NUDC: variants seen among roughly 807,000 people sequenced by gnomAD.
NUDC encodes nuclear migration protein nudC.
Under a neutral mutation model 45.0 loss-of-function variants are expected in NUDC, and 14 were observed. The ratio of observed to expected loss-of-function variants is 0.31; its 90% confidence interval spans 0.21 to 0.49. The LOEUF is 0.49. Ranked by LOEUF, NUDC falls within the 20% of genes least tolerant of loss-of-function variation. NUDC has a pLI of 0.99. For missense variants in NUDC, 323 were observed against 426.2 expected (o/e 0.76, Z 2.13); for synonymous variants, 153 against 156.7 (o/e 0.98, Z 0.17).
intron 1 of NUDC, chr1:26,900,458 GA>G: frequency 2.5e-6 from 4 of 1,601,200 alleles, no homozygotes; most frequent in Non-Finnish European, 1.7e-6. Context: ...ATTGTCACAT[GA>G]TCAGCTAGAA....
intron 8 of NUDC, 28 bp from the exon 9 acceptor site, chr1:26,946,102 C>T: frequency 6.2e-7 from 1 of 1,605,182 alleles, no homozygotes; most frequent in Non-Finnish European, 8.5e-7. Flanking sequence ...GAAGGATGAG[C>T]TGTTTCATCT....
chr1:26,934,594 A>G (rs981653248), intron 2 of NUDC, among the ~76,000 whole-genome samples: 3 of 152,200 alleles, frequency 2.0e-5, no homozygotes, highest in Non-Finnish European at 2.9e-5. Flanking sequence ...ATCTGTGACA[A>G]GGTATTACTT....
intron 1 of NUDC, among the ~76,000 whole-genome samples, chr1:26,902,037 C>T (rs914153025): frequency 4.6e-5 from 7 of 152,160 alleles, no homozygotes; most frequent in Non-Finnish European, 7.3e-5. Flanking sequence ...GCCCTGTGAT[C>T]CTGGAAAACT....
Position 26,912,240 on chromosome 1 carries a change from T to G in NUDC, c.93+1005T>G, listed in dbSNP as rs111945539. Among the ~76,000 whole-genome samples, 608 of 152,120 alleles carry G rather than the reference T, an allele frequency of 4.0e-3. 5 individuals are homozygous for G. The highest frequency in any genetic ancestry group is 0.014 in the African/African-American group (586 of 41,482). ...CTACTACCTCCTCCTTTAGAGGAGG[T>G]AATTTATTTATCAATTTTCAATGTA... On this transcript the variant is annotated intron_variant, in intron 3 of 6. Coordinates refer to the NUDC transcript ENST00000435827.
chr1:26,939,939 A>T (rs143716033), intron 2 of NUDC, among the ~76,000 whole-genome samples: 9 of 152,338 alleles, frequency 5.9e-5, no homozygotes, highest in Admixed American at 5.2e-4. Context: ...AGAAAGAGTC[A>T]AAGTTGTTCA....
intron 3 of NUDC, chr1:26,911,417 G>T: frequency 2.9e-6 from 1 of 345,144 alleles, no homozygotes; most frequent in Non-Finnish European, 5.7e-6. Context: ...GGCTACCTCT[G>T]ATAGCAGCAG....
intron 3 of NUDC, chr1:26,913,887 G>T (rs780830830): frequency 1.3e-6 from 2 of 1,487,750 alleles, no homozygotes; most frequent in Non-Finnish European, 1.8e-6. Flanking sequence ...AGAGAATGGC[G>T]GGGCGGCTTG....
In NUDC at chr1:26,924,078, C is replaced by T; in HGVS notation, c.82-11C>T. ...CAGCTCTACTACTTTAATCTTCTCC[C>T]CCTCTTTCAGCTTGTGAACACCTTC... On this transcript the variant is annotated splice_polypyrimidine_tract_variant and intron_variant, in intron 1 of 8. Transcript: ENST00000321265. 2 of 1,613,762 alleles carry T rather than the reference C, an allele frequency of 1.2e-6. No homozygotes were observed. The highest frequency in any genetic ancestry group is 1.7e-4 in the Middle Eastern group (1 of 6,060).
At chr1:26,903,501 G>C (rs531422884) in intron 2 of NUDC, among the ~76,000 whole-genome samples, 7 of 152,080 alleles carry the variant, frequency 4.6e-5, no homozygotes, top group Non-Finnish European at 1.0e-4. Context: ...TATTAAAAGT[G>C]AAAATAACTC....
chr1:26,904,635 G>A (rs1238180471), intron 2 of NUDC, among the ~76,000 whole-genome samples: 1 of 151,958 alleles, frequency 6.6e-6, no homozygotes, highest in Admixed American at 6.6e-5. Flanking sequence ...TAAGAGCATG[G>A]GCCCTGAAGA....
chr1:26,944,664 T>C (rs771478240), intron 6 of NUDC, among the ~76,000 whole-genome samples: 79 of 151,452 alleles, frequency 5.2e-4, no homozygotes, highest in Non-Finnish European at 1.0e-3. Context: ...TAGCTGGGCA[T>C]GGTGGTGGGC....
intron 1 of NUDC, 97 bp downstream of exon 1, chr1:26,922,026 G>A: frequency 3.1e-6 from 4 of 1,294,024 alleles, no homozygotes; most frequent in Non-Finnish European, 4.3e-6. Flanking sequence ...CCAGCGGCTC[G>A]CGGGCTTCTG....
At chr1:26,919,908 C>T (rs2082080347), upstream of NUDC, among the ~76,000 whole-genome samples, 1 of 152,190 alleles carries the variant, frequency 6.6e-6, no homozygotes, top group African/African-American at 2.4e-5. Flanking sequence ...GCTGGGGTTG[C>T]TCCCAGTGCC....
At chr1:26,918,279 CTTTTTTT>C (rs749407425), upstream of NUDC, among the ~76,000 whole-genome samples, 2 of 113,806 alleles carry the variant, frequency 1.8e-5, no homozygotes, top group Non-Finnish European at 3.6e-5. Flanking sequence ...TCAAGTGATT[CTTTTTTT>C]TTTTTTTTTT....
chr1:26,917,955 C>CT (rs2082069733), upstream of NUDC, among the ~76,000 whole-genome samples: 1 of 151,336 alleles, frequency 6.6e-6, no homozygotes, highest in South Asian at 2.1e-4. Flanking sequence ...CCAGTCCTTC[C>CT]TAGAGCTAAT....
intron 2 of NUDC, among the ~76,000 whole-genome samples, chr1:26,936,146 TATATATATATATATATATA>T (rs1474909884): frequency 2.3e-4 from 2 of 8,662 alleles, no homozygotes; most frequent in Admixed American, 1.2e-3. Context: ...TATATATATA[TATATATATATATATATATA>T]TTTTTTTTTT....
intron 2 of NUDC, among the ~76,000 whole-genome samples, chr1:26,930,047 G>C (rs1248809371): frequency 6.6e-6 from 1 of 152,022 alleles, no homozygotes; most frequent in Non-Finnish European, 1.5e-5. Context: ...AACAACAACA[G>C]CCACAACAAA....
At chr1:26,923,980 A>G (rs2082111113) in intron 1 of NUDC, 109 bp from the exon 2 acceptor site, 1 of 960,338 alleles carries the variant, frequency 1.0e-6, no homozygotes, top group African/African-American at 1.6e-5. Flanking sequence ...GCTCAGAGGA[A>G]AAATAGTCAA....
intron 2 of NUDC, among the ~76,000 whole-genome samples, chr1:26,930,033 AAAC>A (rs1471875661): frequency 8.5e-5 from 13 of 152,194 alleles, no homozygotes; most frequent in East Asian, 3.8e-4. Flanking sequence ...TCAAAAACAA[AAAC>A]AACAACAACA....
Sources: gnomAD v4.1 joint callset for allele counts (sites outside exome capture counted in the v4.1 genomes callset) on GRCh38, gnomAD v4.1.1 for gene constraint, MANE v1.5 for transcripts, NCBI Gene and HGNC (gene_info 2026-07-23, HGNC 2026-07-21) for gene names.